TTC6: variants seen among roughly 807,000 people sequenced by gnomAD.
TTC6 encodes tetratricopeptide repeat domain 6.
In TTC6, 172 loss-of-function variants were observed where a neutral mutation model predicts 210.4. The observed-to-expected ratio is 0.82, with a 90% CI of 0.72 to 0.93. The LOEUF (loss-of-function observed/expected upper bound fraction) is 0.93, where lower values mean the gene tolerates loss of function less well. TTC6 is among the 40% of genes least tolerant of loss of function. The pLI is 0.00. For missense variants in TTC6, 2,414 were observed against 2,318.1 expected (o/e 1.04, Z -0.85); for synonymous variants, 804 against 819.6 (o/e 0.98, Z 0.32).
At chr14:37,836,033 T>C (rs2139038769) in intron 29 of TTC6, among the ~76,000 whole-genome samples, 1 of 152,284 alleles carries the variant, frequency 6.6e-6, no homozygotes, top group East Asian at 1.9e-4. Flanking sequence ...TCCTAACCCA[T>C]ATTTAAGAGT....
intron 13 of TTC6, among the ~76,000 whole-genome samples, 173 bp downstream of exon 15, chr14:37,751,398 G>A (rs951966710): frequency 3.9e-5 from 6 of 152,094 alleles, no homozygotes; most frequent in African/African-American, 1.4e-4. Flanking sequence ...TTAACACTAT[G>A]TTAATTATTA....
At chr14:37,780,667 A>G (rs1178917682) in intron 14 of TTC6, among the ~76,000 whole-genome samples, 1 of 152,082 alleles carries the variant, frequency 6.6e-6, no homozygotes, top group East Asian at 1.9e-4. Flanking sequence ...TCTGGGTTAC[A>G]TCTGCAGAAT....
intron 2 of TTC6, among the ~76,000 whole-genome samples, chr14:37,609,229 T>C (rs904376850): frequency 6.6e-6 from 1 of 152,064 alleles, no homozygotes; most frequent in Admixed American, 6.6e-5. Flanking sequence ...GCCTGGGCAG[T>C]GTAGAGACCC....
intron 1 of TTC6, among the ~76,000 whole-genome samples, chr14:37,636,294 C>T (rs1004684609): frequency 3.9e-5 from 6 of 152,122 alleles, no homozygotes; most frequent in Non-Finnish European, 5.9e-5. Context: ...TTTTAGAATA[C>T]TTTACCCAAC....
intron 7 of TTC6, among the ~76,000 whole-genome samples, chr14:37,732,845 A>G (rs1001969020): frequency 6.7e-6 from 1 of 149,474 alleles, no homozygotes; most frequent in East Asian, 2.0e-4. Context: ...TGACCTCGTG[A>G]TCCGCCCACC....
At chr14:37,658,155 G>A (rs2095728842) in intron 1 of TTC6, among the ~76,000 whole-genome samples, 1 of 152,052 alleles carries the variant, frequency 6.6e-6, no homozygotes, top group African/African-American at 2.4e-5. Flanking sequence ...TAATGGATAT[G>A]GAAATTTAAA....
At chr14:37,688,568 C>G (rs1470129765) in intron 3 of TTC6, among the ~76,000 whole-genome samples, 1 of 152,036 alleles carries the variant, frequency 6.6e-6, no homozygotes, top group Non-Finnish European at 1.5e-5. Flanking sequence ...CACTCCATCC[C>G]CAGCTCCAGT....
At chr14:37,641,551 G>T (rs1337484346) in intron 1 of TTC6, among the ~76,000 whole-genome samples, 4 of 152,176 alleles carry the variant, frequency 2.6e-5, no homozygotes, top group African/African-American at 9.7e-5. Flanking sequence ...TGCTAAGGAT[G>T]CTGAATCTTA....
At chr14:37,596,067 C>G (rs2095603738) in intron 1 of TTC6, 59 bp downstream of exon 1, 1 of 152,088 alleles carries the variant, frequency 6.6e-6, no homozygotes, top group East Asian at 1.9e-4. Flanking sequence ...TGTTCCGCCT[C>G]GGTCCGCTCC....
chr14:37,742,026 C>T (rs2095921514), intron 10 of TTC6, among the ~76,000 whole-genome samples: 1 of 152,128 alleles, frequency 6.6e-6, no homozygotes, highest in Non-Finnish European at 1.5e-5. Context: ...TAGTGGCTGC[C>T]TTGACTCCCT....
At chr14:37,697,002 A>G (rs1396631141) in intron 4 of TTC6, among the ~76,000 whole-genome samples, 167 bp downstream of exon 6, 1 of 152,150 alleles carries the variant, frequency 6.6e-6, no homozygotes, top group Non-Finnish European at 1.5e-5. Flanking sequence ...TTTTACAGTT[A>G]GTGCTATACT....
intron 6 of TTC6, among the ~76,000 whole-genome samples, chr14:37,721,123 CA>C (rs964286429): frequency 3.0e-4 from 46 of 151,022 alleles, no homozygotes; most frequent in South Asian, 2.1e-4. Context: ...AATGTAGCCT[CA>C]GTTAAAAAGA....
chr14:37,795,356 T>C lies in TTC6; in HGVS notation c.3791+4T>C, dbSNP rs1347877185. The C allele has an allele frequency of 9.9e-6, 15 of 1,510,244 alleles. No individual in the cohort carries two copies. The highest frequency in any genetic ancestry group is 1.3e-5 in the Non-Finnish European group (15 of 1,130,842). The allele number at this position is 1,510,244 out of a possible 1,614,324, so 93.6% of individuals were successfully genotyped here. ...GAATCCAATTATACATAAGAAGGTA[T>C]GAGCATAGAAACTGAATTCTTCTTG... On this transcript the variant is annotated splice_donor_region_variant and intron_variant, in intron 18 of 30. Transcript: ENST00000553443.
chr14:37,789,662 A>G (rs1315966263), intron 15 of TTC6, among the ~76,000 whole-genome samples: 5 of 147,664 alleles, frequency 3.4e-5, no homozygotes, highest in African/African-American at 9.9e-5. Flanking sequence ...TATATTCTGT[A>G]TATATGTATA....
At chr14:37,820,626 A>G (rs1326283528) in intron 26 of TTC6, among the ~76,000 whole-genome samples, 7 of 152,182 alleles carry the variant, frequency 4.6e-5, no homozygotes, top group Non-Finnish European at 8.8e-5. Context: ...TACTAGGGGC[A>G]TTTCAATGAA....
intron 1 of TTC6, among the ~76,000 whole-genome samples, chr14:37,627,504 C>A (rs1186912851): frequency 1.3e-5 from 2 of 149,906 alleles, no homozygotes; most frequent in Non-Finnish European, 3.0e-5. Context: ...TTCCCTGTGT[C>A]CATGTGTTCT....
intron 3 of TTC6, among the ~76,000 whole-genome samples, chr14:37,686,638 A>G (rs1156419733): frequency 2.0e-5 from 3 of 152,194 alleles, no homozygotes; most frequent in Non-Finnish European, 2.9e-5. Context: ...AGACCTCACA[A>G]TCATGGTGGA....
At chr14:37,691,190 T>A (rs12894238) in intron 3 of TTC6, among the ~76,000 whole-genome samples, 25,537 of 151,898 alleles carry the variant, frequency 0.17, 2,528 homozygotes, top group East Asian at 0.27. Context: ...ATTAGCCAGG[T>A]GTGCTGATGC....
intron 1 of TTC6, among the ~76,000 whole-genome samples, chr14:37,672,656 G>T (rs192222418): frequency 6.6e-6 from 1 of 152,078 alleles, no homozygotes; most frequent in African/African-American, 2.4e-5. Flanking sequence ...CTTCTGAAAC[G>T]AAAAGTCTGG....
Sources: allele counts gnomAD v4.1 joint callset (sites outside exome capture counted in the v4.1 genomes callset), GRCh38; gene constraint gnomAD v4.1.1; transcripts MANE v1.5; gene names NCBI Gene and HGNC (gene_info 2026-07-23, HGNC 2026-07-21).